Variants in GPI observed in about 807,000 individuals in gnomAD.
GPI encodes the protein D-hexose-6-phosphate anomerase.
Under a neutral mutation model 75.8 loss-of-function variants are expected in GPI, and 56 were observed. The ratio of observed to expected loss-of-function variants is 0.74; its 90% CI spans 0.60 to 0.92. The LOEUF is 0.92. Among genes scored for constraint, GPI ranks in the 40% least tolerant of loss-of-function variants. The probability of loss-of-function intolerance (pLI) is 0.00; values close to 1 mark genes in which losing one functional copy is unlikely to be tolerated. For missense variants in GPI, 638 were observed against 741.0 expected (o/e 0.86, Z 1.61); for synonymous variants, 288 against 285.4 (o/e 1.01, Z -0.09).
At chr19:34,360,718 G>A (rs2074296816), upstream of GPI, among the ~76,000 whole-genome samples, 1 of 152,150 alleles carries the variant, frequency 6.6e-6, no homozygotes, top group Admixed American at 6.5e-5. Context: ...GTCTCAGGAA[G>A]GAACCAGGCA....
intron 4 of GPI, among the ~76,000 whole-genome samples, chr19:34,374,522 T>C (rs917010771): frequency 2.0e-5 from 3 of 152,152 alleles, no homozygotes; most frequent in Non-Finnish European, 2.9e-5. Flanking sequence ...TAGAAGTCTG[T>C]TAGAAGTCTA....
chr19:34,377,691 G>C (rs374534282), intron 5 of GPI, 44 bp from the exon 6 acceptor site: 9 of 1,610,468 alleles, frequency 5.6e-6, no homozygotes, highest in South Asian at 3.3e-5. Flanking sequence ...TCCACTTTTC[G>C]TGGGCCCTGA....
intron 9 of GPI, chr19:34,392,848 C>T: frequency 2.3e-5 from 4 of 175,836 alleles, no homozygotes; most frequent in Non-Finnish European, 2.1e-5. Flanking sequence ...AGGAGGTGGG[C>T]CCTGGCACAG....
intron 4 of GPI, among the ~76,000 whole-genome samples, chr19:34,376,563 CAAA>C (rs35716159): frequency 2.2e-4 from 19 of 88,028 alleles, no homozygotes; most frequent in East Asian, 3.2e-4. Context: ...GACCCTGTCT[CAAA>C]AAAAAAAAAA....
In GPI at chr19:34,366,818, G is replaced by T; in HGVS notation, c.249G>T (p.Arg83=). The change falls in exon 3 of 18, where the codon CGG becomes CGT. Residue 83 remains arginine (R), a synonymous_variant. Coordinates refer to ENST00000356487, the MANE Select transcript of GPI (RefSeq NM_000175.5). ...GGGGCGTGGAGGCCGCCCGGGAGCG[G>T]ATGTTCAATGGTGAGAAGATCAACT... The part of the protein sequence containing the change: ...KSRGVEAARE[R]MFNGEKINYT... 2.5e-6 allele frequency: 4 copies of T among 1,613,832 alleles called. No homozygotes were observed. Among genetic ancestry groups the T allele is most frequent in the Non-Finnish European group, 3.4e-6 (4 of 1,179,898 alleles).
intron 1 of GPI, chr19:34,365,938 A>G: frequency 2.1e-6 from 1 of 487,000 alleles, no homozygotes; most frequent in Non-Finnish European, 4.0e-6. Flanking sequence ...GAGTGCGGCC[A>G]AGGGAGCTCT....
Position 34,365,206 on chromosome 19 carries a change from C to G in GPI, c.-61C>G. The G allele has an allele frequency of 1.4e-6, 2 of 1,399,448 alleles. No individual in the cohort carries two copies. The highest frequency in any genetic ancestry group is 1.7e-5 in the South Asian group (1 of 57,988). The allele number at this position is 1,399,448 out of a possible 1,614,324, so 86.7% of individuals were successfully genotyped here. A position where few individuals can be genotyped will look rare whatever the true frequency, so the allele number is the denominator to read the frequency against. On this transcript the variant is annotated 5_prime_UTR_variant, in exon 1 of 18. Transcript: ENST00000356487. ...GCGCCCACGCGCCTCGCTTGCTGCG[C>G]GCTGCCGGCGCTCCTTCCTCCTCGG...
At chr19:34,397,570 TCCCAGG>T (rs2074963182) in intron 14 of GPI, 1 of 152,054 alleles carries the variant, frequency 6.6e-6, no homozygotes, top group South Asian at 2.1e-4. Flanking sequence ...ATTCTCAACG[TCCCAGG>T]CTCAAGCAGT....
In GPI at chr19:34,396,447, T is replaced by C. The variant is rs2074946096; in HGVS notation, c.1192+17T>C. ...TCCACCAAGGTAGGCCCCTGTGGCC[T>C]GGGAAGGGTGATGTTGGGGGAGGGA... On this transcript the variant is annotated intron_variant, in intron 13 of 17. Transcript: ENST00000356487. 1 of 1,613,926 alleles carries C rather than the reference T, an allele frequency of 6.2e-7. No individual in the cohort carries two copies. Among genetic ancestry groups the C allele is most frequent in the Admixed American group, 1.7e-5 (1 of 60,026 alleles).
At chr19:34,392,947 G>A (rs1479481885) in intron 9 of GPI, 1 of 457,210 alleles carries the variant, frequency 2.2e-6, no homozygotes, top group Non-Finnish European at 4.1e-6. Flanking sequence ...GAGGAGGTGG[G>A]CCCTGGCACA....
upstream of GPI, chr19:34,364,957 G>A: frequency 6.5e-7 from 1 of 1,527,088 alleles, no homozygotes; most frequent in Non-Finnish European, 8.8e-7. Flanking sequence ...GTGATCCCCG[G>A]GCTCTGCCCA....
Position 34,400,129 on chromosome 19 carries a change from C to A in GPI, c.*93C>A. 7.4e-7 allele frequency: 1 copy of A among 1,360,112 alleles called. No homozygotes were observed. Among genetic ancestry groups the A allele is most frequent in the South Asian group, 1.2e-5 (1 of 85,752 alleles). The allele number at this position is 1,360,112 out of a possible 1,614,324, so 84.3% of individuals were successfully genotyped here. On this transcript the variant is annotated 3_prime_UTR_variant, in exon 18 of 18. Coordinates refer to ENST00000356487, the MANE Select transcript of GPI (RefSeq NM_000175.5). ...GCACTGCATGTTCCTGGACACCACC[C>A]AGAGCACCCTCTGGTTGTGGGCTTG... is the stretch of plus-strand genomic sequence containing the variant.
Position 34,366,771 on chromosome 19 carries a change from GTC to G in GPI, c.214-8_214-7del. On this transcript the variant is annotated splice_polypyrimidine_tract_variant and intron_variant, in intron 2 of 17. Coordinates refer to ENST00000356487, the MANE Select transcript of GPI (RefSeq NM_000175.5). ...GTGGGTGGGACCAGGCCTCAGTATC[GTC>G]TCTTCCTAGGCCAAGTCCAGGGGCG... The G allele has an allele frequency of 6.2e-7, 1 of 1,608,678 alleles. No individual in the cohort carries two copies.
In GPI at chr19:34,393,706, T is replaced by A; in HGVS notation, c.866-22T>A. 6.2e-7 allele frequency: 1 copy of A among 1,613,272 alleles called. No homozygotes were observed. The highest frequency in any genetic ancestry group is 8.5e-7 in the Non-Finnish European group (1 of 1,179,654). The stretch of plus-strand genomic sequence containing the variant: ...GGACGCAGGGTGTGGCCACTTCTGT[T>A]GACTCTGCTTTTGTGTCACAGGTTT... On this transcript the variant is annotated intron_variant, in intron 10 of 17. Coordinates refer to ENST00000356487, the MANE Select transcript of GPI (RefSeq NM_000175.5). This position sits in a 1 kb window ranked among gnomAD's most constrained non-coding sequence, Gnocchi z 4.4.
rs1356302354 is a variant in GPI, at chr19:34,379,985, G to GTTTTTT, written c.750+427_750+428insTTTTTT. 2.3e-3 allele frequency: 288 copies of GTTTTTT among 127,940 alleles called. 62 individuals carry two copies. Among genetic ancestry groups the GTTTTTT allele is most frequent in the African/African-American group, 5.3e-3 (133 of 25,228 alleles). 7.9% of individuals were successfully genotyped at this position (127,940 alleles called of 1,614,324 possible). ...TTTTGCCCCCTACTTAGTGTGTGTGGTTTTGTTTTTTTTTTTTTTTTTTTT... is the reference window on the plus strand; with the variant it reads ...TTTTGCCCCCTACTTAGTGTGTGTGGTTTTTTTTTTGTTTTTTTTTTTTTTTTTTTT... On this transcript the variant is annotated intron_variant, in intron 8 of 17. Coordinates refer to ENST00000356487, the MANE Select transcript of GPI (RefSeq NM_000175.5).
intron 4 of GPI, among the ~76,000 whole-genome samples, chr19:34,373,481 C>T (rs993071672): frequency 9.4e-5 from 14 of 149,020 alleles, no homozygotes; most frequent in Admixed American, 5.4e-4. Flanking sequence ...CGCTTGAACC[C>T]GGGAGGTGGA....
chr19:34,389,078 C>A lies in GPI; in HGVS notation c.805-4170C>A, dbSNP rs576339917. ...ACTGCACTCCACCTGGGCAACAGAG[C>A]AAGACCCTGTCTCTTAAAAAAAAAA... On this transcript the variant is annotated intron_variant, in intron 9 of 17. Coordinates refer to ENST00000356487, the MANE Select transcript of GPI (RefSeq NM_000175.5). 2.6e-5 allele frequency among the ~76,000 whole-genome samples: 4 copies of A among 151,894 alleles called. No homozygotes were observed. The East Asian group carries it at 7.7e-4, about 29-fold the overall frequency.
chr19:34,378,014 T>G, intron 6 of GPI, 133 bp downstream of exon 6: 1 of 854,008 alleles, frequency 1.2e-6, no homozygotes, highest in Non-Finnish European at 2.0e-6. Context: ...GTGGATCAGG[T>G]CAGTACAGCT....
At chr19:34,390,262 A>T (rs2074801443) in intron 9 of GPI, among the ~76,000 whole-genome samples, 1 of 143,270 alleles carries the variant, frequency 7.0e-6, no homozygotes, top group Non-Finnish European at 1.5e-5. Flanking sequence ...GCCACTGTTC[A>T]AGCAGGTGGG....
Sources: gnomAD v4.1 joint callset for allele counts (sites outside exome capture counted in the v4.1 genomes callset) on GRCh38, gnomAD v4.1.1 for gene constraint, Gnocchi (gnomAD v3.1) non-coding constraint, MANE v1.5 for transcripts, NCBI Gene and HGNC (gene_info 2026-07-23, HGNC 2026-07-21) for gene names.